CERS3: variants seen among roughly 807,000 people sequenced by gnomAD.
The protein encoded by CERS3 is ceramide synthase 3.
CERS3 carries 33 observed loss-of-function variants against 50.3 expected under a neutral mutation model. The observed-to-expected ratio is 0.66, with a 90% CI of 0.50 to 0.88. The LOEUF (loss-of-function observed/expected upper bound fraction) is 0.88, where lower values mean the gene tolerates loss of function less well. CERS3 is among the 40% of genes least tolerant of loss of function. The probability of loss-of-function intolerance (pLI) is 0.00; values close to 1 mark genes in which losing one functional copy is unlikely to be tolerated. For missense variants in CERS3, 470 were observed against 460.3 expected (o/e 1.02, Z -0.19); for synonymous variants, 176 against 155.2 (o/e 1.13, Z -0.99).
intron 11 of CERS3, among the ~76,000 whole-genome samples, chr15:100,438,528 ATAATT>A (rs1478633962): frequency 1.3e-5 from 2 of 152,352 alleles, no homozygotes; most frequent in South Asian, 2.1e-4. Flanking sequence ...CAAATAAAGA[ATAATT>A]TAAAAGGTGA....
intron 10 of CERS3, among the ~76,000 whole-genome samples, chr15:100,461,598 C>T (rs1200107177): frequency 6.6e-5 from 10 of 152,230 alleles, no homozygotes; most frequent in Admixed American, 5.9e-4. Flanking sequence ...AACTATTACT[C>T]TTACTACCAC....
At chr15:100,512,815 C>A (rs1209604415) in intron 2 of CERS3, among the ~76,000 whole-genome samples, 2 of 151,906 alleles carry the variant, frequency 1.3e-5, no homozygotes, top group Non-Finnish European at 2.9e-5. Context: ...AGGGAGAGCC[C>A]CCTCATTTTC....
At chr15:100,520,805 T>C (rs2036618288) in intron 2 of CERS3, among the ~76,000 whole-genome samples, 2 of 152,124 alleles carry the variant, frequency 1.3e-5, no homozygotes, top group Non-Finnish European at 2.9e-5. Context: ...GGAAGCTCTG[T>C]GTCAGCAAGC....
intron 1 of CERS3, among the ~76,000 whole-genome samples, chr15:100,523,500 G>C (rs557843709): frequency 9.2e-5 from 14 of 151,968 alleles, no homozygotes; most frequent in African/African-American, 3.1e-4. Context: ...AGGAGATTGC[G>C]ACCATCCTGG....
intron 11 of CERS3, among the ~76,000 whole-genome samples, chr15:100,420,870 C>A (rs1051366105): frequency 6.6e-6 from 1 of 151,342 alleles, no homozygotes; most frequent in Non-Finnish European, 1.5e-5. Context: ...AAGCCTTTGA[C>A]AAAATTCAAC....
At chr15:100,492,448 T>C (rs553406297) in intron 3 of CERS3, among the ~76,000 whole-genome samples, 26 of 152,212 alleles carry the variant, frequency 1.7e-4, no homozygotes, top group Non-Finnish European at 2.9e-4. Context: ...TTTATTATTA[T>C]AAAATGTCCT....
intron 2 of CERS3, among the ~76,000 whole-genome samples, chr15:100,503,154 A>G (rs1314220136): frequency 6.6e-6 from 1 of 152,114 alleles, no homozygotes; most frequent in Non-Finnish European, 1.5e-5. Flanking sequence ...AAATGTCCTC[A>G]GATTCACAAC....
At chr15:100,445,264 T>C (rs2033885756) in intron 11 of CERS3, among the ~76,000 whole-genome samples, 1 of 125,306 alleles carries the variant, frequency 8.0e-6, no homozygotes, top group Non-Finnish European at 1.7e-5. Context: ...CTAGTCGTAC[T>C]CCTATTCACC....
chr15:100,492,497 T>C (rs905363003), intron 3 of CERS3, among the ~76,000 whole-genome samples: 1 of 152,224 alleles, frequency 6.6e-6, no homozygotes, highest in Non-Finnish European at 1.5e-5. Context: ...TTAAATTACA[T>C]TTTGTCTGAT....
At chr15:100,523,700 C>CAAAAA (rs34875423) in intron 1 of CERS3, among the ~76,000 whole-genome samples, 7 of 51,380 alleles carry the variant, frequency 1.4e-4, no homozygotes, top group South Asian at 6.3e-4. Context: ...GACTCCATCT[C>CAAAAA]AAAAAAAAAA....
intron 6 of CERS3, among the ~76,000 whole-genome samples, 177 bp downstream of exon 6, chr15:100,479,812 C>G (rs1475029225): frequency 6.6e-6 from 1 of 151,972 alleles, no homozygotes; most frequent in Admixed American, 6.6e-5. Flanking sequence ...ATTGCTTCTG[C>G]AGCAATAAAA....
intron 4 of CERS3, among the ~76,000 whole-genome samples, chr15:100,487,447 G>T (rs2142289212): frequency 6.6e-6 from 1 of 152,338 alleles, no homozygotes; most frequent in South Asian, 2.1e-4. Flanking sequence ...ACTGAGGCAT[G>T]GGAAGTTTAA....
intron 11 of CERS3, among the ~76,000 whole-genome samples, chr15:100,425,018 A>G (rs561474207): frequency 7.8e-6 from 1 of 128,712 alleles, no homozygotes; most frequent in East Asian, 2.9e-4. Flanking sequence ...GGCGGCTTCC[A>G]TATAGTTAAG....
At chr15:100,522,507 A>G (rs1420469324) in intron 1 of CERS3, among the ~76,000 whole-genome samples, 1 of 152,182 alleles carries the variant, frequency 6.6e-6, no homozygotes, top group Non-Finnish European at 1.5e-5. Context: ...CCCTGTCACC[A>G]CCATGGATCC....
intron 1 of CERS3, among the ~76,000 whole-genome samples, chr15:100,540,611 C>T (rs1202655722): frequency 1.3e-5 from 2 of 152,218 alleles, no homozygotes; most frequent in African/African-American, 4.8e-5. Flanking sequence ...ACACCATTAG[C>T]CCCATTTTAT....
intron 11 of CERS3, among the ~76,000 whole-genome samples, chr15:100,432,787 T>C (rs1282977458): frequency 6.6e-6 from 1 of 152,114 alleles, no homozygotes; most frequent in Non-Finnish European, 1.5e-5. Flanking sequence ...ATTGTATGTA[T>C]TTAGCCTGCA....
At chr15:100,442,728 C>T (rs898574072) in intron 11 of CERS3, among the ~76,000 whole-genome samples, 1 of 152,236 alleles carries the variant, frequency 6.6e-6, no homozygotes, top group East Asian at 1.9e-4. Flanking sequence ...CTGACTGACT[C>T]CTTCCCAGAT....
At chr15:100,519,074 G>T (rs1476571153) in intron 2 of CERS3, among the ~76,000 whole-genome samples, 1 of 151,998 alleles carries the variant, frequency 6.6e-6, no homozygotes, top group South Asian at 2.1e-4. Context: ...CAGGAGAATC[G>T]CTTGAACCCG....
intron 3 of CERS3, among the ~76,000 whole-genome samples, chr15:100,491,490 G>T (rs769011740): frequency 6.6e-6 from 1 of 152,152 alleles, no homozygotes; most frequent in Non-Finnish European, 1.5e-5. Context: ...GTTCCAGTTA[G>T]CCCATATCCC....
Sources: allele counts gnomAD v4.1 joint callset (sites outside exome capture counted in the v4.1 genomes callset), GRCh38; gene constraint gnomAD v4.1.1; transcripts MANE v1.5; gene names NCBI Gene and HGNC (gene_info 2026-07-23, HGNC 2026-07-21).